Variants in KIAA1958 observed in about 807,000 individuals in gnomAD.
KIAA1958 encodes uncharacterized protein KIAA1958.
In KIAA1958, 14 loss-of-function variants were observed where a neutral mutation model predicts 47.2. The ratio of observed to expected loss-of-function variants is 0.30; its 90% CI spans 0.20 to 0.46. The LOEUF is 0.46. Ranked by LOEUF, KIAA1958 falls within the 20% of genes least tolerant of loss-of-function variation. The probability of loss-of-function intolerance (pLI) is 1.00; values close to 1 mark genes in which losing one functional copy is unlikely to be tolerated. For synonymous variants in KIAA1958, 354 were observed against 353.3 expected, an observed-to-expected ratio of 1.00 and a Z score of -0.02; for missense variants, 803 against 909.2, an observed-to-expected ratio of 0.88 and a Z score of 1.50.
At chr9:112,654,519 A>G (rs1837116095) in intron 3 of KIAA1958, among the ~76,000 whole-genome samples, 1 of 152,128 alleles carries the variant, frequency 6.6e-6, no homozygotes, top group South Asian at 2.1e-4. Context: ...CTCCGCACAA[A>G]GAAGCAGAGG....
rs539487945 is a variant in KIAA1958 at position 112,645,831 on chromosome 9, C to G, written c.1344+9C>G. Reference sequence around the variant, plus strand: ...ACACAGACATCACCAAGGTAAGGGACTCTTGAGTTTACTTCTTTCAGCCAA... The same window carrying G: ...ACACAGACATCACCAAGGTAAGGGAGTCTTGAGTTTACTTCTTTCAGCCAA... On this transcript the variant is annotated intron_variant, in intron 3 of 3. Coordinates refer to ENST00000337530, the MANE Select transcript of KIAA1958 (RefSeq NM_133465.4). The G allele has an allele frequency of 5.6e-6, 9 of 1,609,940 alleles. No homozygotes were observed. The South Asian group carries it at 8.9e-5, about 16-fold the overall frequency.
At chr9:112,634,151 C>T (rs780374012) in intron 2 of KIAA1958, among the ~76,000 whole-genome samples, 1 of 152,116 alleles carries the variant, frequency 6.6e-6, no homozygotes, top group African/African-American at 2.4e-5. Context: ...TTGCAAATTT[C>T]GTTTTCCATT....
chr9:112,563,182 G>T (rs1835367846), intron 1 of KIAA1958, among the ~76,000 whole-genome samples: 1 of 151,008 alleles, frequency 6.6e-6, no homozygotes, highest in Non-Finnish European at 1.5e-5. Flanking sequence ...CTCCCACCTT[G>T]GCCTCCCAAA....
At chr9:112,551,473 A>G (rs536631345) in intron 1 of KIAA1958, among the ~76,000 whole-genome samples, 26 of 152,382 alleles carry the variant, frequency 1.7e-4, no homozygotes, top group African/African-American at 6.0e-4. Context: ...ATGCTGATAT[A>G]GCACAGGCTT....
chr9:112,649,490 T>G (rs1837025991), intron 3 of KIAA1958, among the ~76,000 whole-genome samples: 1 of 152,036 alleles, frequency 6.6e-6, no homozygotes, highest in African/African-American at 2.4e-5. Context: ...AGAACATTAC[T>G]GACATGTGGG....
At position 112,509,225 on chromosome 9, in the gene KIAA1958, C is replaced by T. The variant is rs886548516; in HGVS notation, c.-25+22107C>T. Among the ~76,000 whole-genome samples, 85 of 117,552 alleles carry T rather than the reference C, an allele frequency of 7.2e-4. 1 individual carries two copies. Among genetic ancestry groups the T allele is most frequent in the African/African-American group, 2.7e-3 (81 of 30,086 alleles). The allele number at this position is 117,552 out of a possible 152,430, so 77.1% of individuals were successfully genotyped here. A position where few individuals can be genotyped will look rare whatever the true frequency, so the allele number is the denominator to read the frequency against. On this transcript the variant is annotated intron_variant, in intron 1 of 3. Coordinates refer to ENST00000337530, the MANE Select transcript of KIAA1958 (RefSeq NM_133465.4). ...CTTTTTTTTTTTTTTTTTTTTGAGA[C>T]GGAGTCTTGCTGTGTCGCCTAGGCT...
Position 112,618,400 on chromosome 9 carries a change from G to A in KIAA1958, c.1172-27250G>A. 6.4e-7 allele frequency: 1 copy of A among 1,551,242 alleles called. No individual in the cohort carries two copies. Among genetic ancestry groups the A allele is most frequent in the African/African-American group, 1.4e-5 (1 of 73,162 alleles). The stretch of plus-strand genomic sequence containing the variant: ...GCTTCCATGGATCTACCTTAAAATG[G>A]GGTGATATCCGGCTCCGGGTAACAG... On this transcript the variant is annotated intron_variant, in intron 2 of 3. Transcript: ENST00000337530. The surrounding 1 kb of genome is among the most constrained non-coding windows in gnomAD (Gnocchi z 7.1).
chr9:112,627,248 C>T (rs1836633029), intron 2 of KIAA1958, among the ~76,000 whole-genome samples: 1 of 152,148 alleles, frequency 6.6e-6, no homozygotes, highest in African/African-American at 2.4e-5. Flanking sequence ...AGCAAGAATT[C>T]TGAACTTTTC....
intron 1 of KIAA1958, among the ~76,000 whole-genome samples, chr9:112,527,606 A>G (rs1458062000): frequency 6.6e-6 from 1 of 152,088 alleles, no homozygotes; most frequent in African/African-American, 2.4e-5. Flanking sequence ...GCTGGGGGGA[A>G]TTGTTTGAAG....
At chr9:112,594,733 T>A (rs1246324842) in intron 2 of KIAA1958, among the ~76,000 whole-genome samples, 2 of 152,208 alleles carry the variant, frequency 1.3e-5, no homozygotes, top group Admixed American at 6.5e-5. Flanking sequence ...TCAATTATCT[T>A]GGGGATATAC....
intron 2 of KIAA1958, among the ~76,000 whole-genome samples, chr9:112,616,026 A>T (rs1836403454): frequency 6.6e-6 from 1 of 152,240 alleles, no homozygotes; most frequent in Admixed American, 6.5e-5. Context: ...ATATTTGAAC[A>T]AGTAACCAAG....
chr9:112,515,244 T>C (rs376359646), intron 1 of KIAA1958, among the ~76,000 whole-genome samples: 55,252 of 59,730 alleles, frequency 0.93, 25,975 homozygotes, highest in African/African-American at 0.98. Context: ...CCAGCCGCCC[T>C]GTCCGGGAGG....
intron 2 of KIAA1958, among the ~76,000 whole-genome samples, chr9:112,580,125 A>T (rs369258110): frequency 3.3e-5 from 5 of 152,178 alleles, no homozygotes; most frequent in African/African-American, 1.2e-4. Flanking sequence ...CCACCCTGGA[A>T]ATGGTATTGA....
chr9:112,525,283 C>G (rs189877566), intron 1 of KIAA1958, among the ~76,000 whole-genome samples: 99 of 152,274 alleles, frequency 6.5e-4, no homozygotes, highest in Non-Finnish European at 9.3e-4. Context: ...TGTTTTTACT[C>G]TGCTGGCTCT....
At chr9:112,556,391 C>T (rs1588016459) in intron 1 of KIAA1958, among the ~76,000 whole-genome samples, 2 of 152,242 alleles carry the variant, frequency 1.3e-5, no homozygotes, top group African/African-American at 2.4e-5. Context: ...ACCAAATACA[C>T]ATGCCCTTTC....
At chr9:112,616,875 C>T (rs1836415737) in intron 2 of KIAA1958, among the ~76,000 whole-genome samples, 1 of 152,216 alleles carries the variant, frequency 6.6e-6, no homozygotes, top group Non-Finnish European at 1.5e-5. Context: ...GACACAAGCA[C>T]TAGAACTTTG....
chr9:112,635,416 A>AT (rs1239841473), intron 2 of KIAA1958, among the ~76,000 whole-genome samples: 2 of 152,002 alleles, frequency 1.3e-5, no homozygotes, highest in African/African-American at 2.4e-5. Flanking sequence ...CACCTGCCTA[A>AT]TTTTTTTGTA....
intron 1 of KIAA1958, among the ~76,000 whole-genome samples, chr9:112,565,676 G>A (rs1835415987): frequency 6.6e-6 from 1 of 152,150 alleles, no homozygotes; most frequent in South Asian, 2.1e-4. Context: ...TTGAAGTAGA[G>A]TGATAACTAT....
At chr9:112,592,581 C>G (rs571110876) in intron 2 of KIAA1958, among the ~76,000 whole-genome samples, 5 of 152,132 alleles carry the variant, frequency 3.3e-5, no homozygotes, top group Non-Finnish European at 7.4e-5. Context: ...GTGCCTGATA[C>G]GTAGTCAGTG....
Sources: gnomAD v4.1 joint callset for allele counts (sites outside exome capture counted in the v4.1 genomes callset) on GRCh38, gnomAD v4.1.1 for gene constraint, Gnocchi (gnomAD v3.1) non-coding constraint, MANE v1.5 for transcripts, NCBI Gene and HGNC (gene_info 2026-07-23, HGNC 2026-07-21) for gene names.